The following RNF125 variants were observed in gnomAD, a reference collection of about 807,000 sequenced individuals.
The protein encoded by RNF125 is E3 ubiquitin-protein ligase RNF125.
A neutral mutation model predicts 26.0 loss-of-function variants in RNF125; 21 were observed. That is an observed-to-expected ratio of 0.81 (90% CI 0.57 to 1.16). RNF125 has a LOEUF of 1.16. Among genes scored for constraint, RNF125 ranks in the 50% most tolerant of loss-of-function variants. The pLI is 0.00. For synonymous variants in RNF125, 95 were observed against 109.2 expected, an observed-to-expected ratio of 0.87 and a Z score of 0.81; for missense variants, 270 against 299.4, an observed-to-expected ratio of 0.90 and a Z score of 0.72.
intron 4 of RNF125, among the ~76,000 whole-genome samples, chr18:32,057,422 C>T (rs962358293): frequency 1.1e-4 from 17 of 151,632 alleles, no homozygotes; most frequent in Admixed American, 3.9e-4. Flanking sequence ...GCAACCTCTG[C>T]CTCCCGGGTT....
chr18:32,086,290 C>T, the RNF125 span, among the ~76,000 whole-genome samples: 2 of 150,440 alleles, frequency 1.3e-5, no homozygotes, highest in African/African-American at 4.9e-5. Flanking sequence ...CTCAAGCAAT[C>T]CTCCTGCCTC....
intron 1 of RNF125, 37 bp downstream of exon 1, chr18:32,019,064 AAGG>A: frequency 1.2e-6 from 2 of 1,600,328 alleles, no homozygotes; most frequent in Non-Finnish European, 1.7e-6. Context: ...GCCCACCCCT[AAGG>A]AGGGCGATGT....
chr18:32,084,846 T>G, the RNF125 span, among the ~76,000 whole-genome samples: 1 of 152,206 alleles, frequency 6.6e-6, no homozygotes, highest in Non-Finnish European at 1.5e-5. Flanking sequence ...ATGGATGATA[T>G]GAAATTAAAT....
At chr18:32,043,296 C>G (rs1368166527) in intron 3 of RNF125, among the ~76,000 whole-genome samples, 2 of 152,194 alleles carry the variant, frequency 1.3e-5, no homozygotes, top group African/African-American at 4.8e-5. Context: ...GGCTTTCCAG[C>G]CATTAATCTG....
intron 5 of RNF125, among the ~76,000 whole-genome samples, chr18:32,068,006 G>A (rs966945183): frequency 2.0e-5 from 3 of 152,274 alleles, no homozygotes; most frequent in Middle Eastern, 3.4e-3. Context: ...CTCTGACCAG[G>A]ATTTGTAATG....
chr18:32,050,058 A>G (rs574678367), intron 4 of RNF125, among the ~76,000 whole-genome samples: 1 of 152,282 alleles, frequency 6.6e-6, no homozygotes, highest in East Asian at 1.9e-4. Context: ...CAAGCAGATA[A>G]GATCAGTGAC....
intron 4 of RNF125, among the ~76,000 whole-genome samples, chr18:32,054,848 T>G (rs1429157562): frequency 1.3e-5 from 2 of 152,214 alleles, no homozygotes; most frequent in Non-Finnish European, 2.9e-5. Context: ...AAATATGATT[T>G]GTTCTTGCCC....
intron 4 of RNF125, among the ~76,000 whole-genome samples, chr18:32,059,648 T>G (rs1303598162): frequency 6.6e-6 from 1 of 152,198 alleles, no homozygotes; most frequent in African/African-American, 2.4e-5. Context: ...CATTTTCGCT[T>G]TGGTTGCCTG....
chr18:32,037,457 C>T lies in RNF125; in HGVS notation c.318+188C>T, dbSNP rs549348762. 1.1e-4 allele frequency among the ~76,000 whole-genome samples: 17 copies of T among 149,188 alleles called. No homozygotes were observed. In the South Asian group the frequency reaches 1.7e-3, roughly 15 times the overall value. ...TGCGATCTCGGCTTACTGCAACCTCCGCCTCCCAGGTTCAAGTGATTCTCC... is the reference window on the plus strand; with the variant it reads ...TGCGATCTCGGCTTACTGCAACCTCTGCCTCCCAGGTTCAAGTGATTCTCC... On this transcript the variant is annotated intron_variant, in intron 2 of 5. Transcript: ENST00000217740.
intron 4 of RNF125, among the ~76,000 whole-genome samples, chr18:32,063,172 A>T (rs2091116424): frequency 6.7e-6 from 1 of 148,754 alleles, no homozygotes; most frequent in Non-Finnish European, 1.5e-5. Flanking sequence ...GTGAGCCAAG[A>T]CCATGCCATT....
chr18:32,077,913 T>C (rs2039581048), downstream of RNF125, among the ~76,000 whole-genome samples: 3 of 151,896 alleles, frequency 2.0e-5, no homozygotes, highest in South Asian at 2.1e-4. Context: ...CTCAGCCTCC[T>C]GAGTAGCTGG....
intron 1 of RNF125, among the ~76,000 whole-genome samples, chr18:32,035,038 G>C (rs578136599): frequency 6.6e-6 from 1 of 152,232 alleles, no homozygotes; most frequent in East Asian, 1.9e-4. Context: ...TTATGTCACT[G>C]TGTGCAGTGT....
intron 4 of RNF125, among the ~76,000 whole-genome samples, chr18:32,056,820 A>G (rs1440300971): frequency 4.6e-5 from 7 of 152,206 alleles, no homozygotes; most frequent in Non-Finnish European, 1.0e-4. Flanking sequence ...TATGCCAACA[A>G]TGATTTTTTT....
rs1250057956 is a variant in RNF125, at chr18:32,024,189, ATTC to A, written c.164+5165_164+5167del. ...TAACAAAAAAATCACACTTCATGCCATTCTTTTTTTTTTTTTTTTCTTTTTTTT... is the reference window on the plus strand; with the variant it reads ...TAACAAAAAAATCACACTTCATGCCATTTTTTTTTTTTTTTTCTTTTTTTT... On this transcript the variant is annotated intron_variant, in intron 1 of 5. Transcript: ENST00000217740. Among the ~76,000 whole-genome samples, 3 of 132,788 alleles carry A rather than the reference ATTC, an allele frequency of 2.3e-5. No individual in the cohort carries two copies. In the East Asian group the frequency reaches 6.7e-4, roughly 30 times the overall value. 87.1% of individuals were successfully genotyped at this position (132,788 alleles called of 152,430 possible).
At chr18:32,079,877 ATATT>A in the RNF125 span, among the ~76,000 whole-genome samples, 1 of 152,234 alleles carries the variant, frequency 6.6e-6, no homozygotes, top group Non-Finnish European at 1.5e-5. Flanking sequence ...ACAACTGTAT[ATATT>A]ATAGTTGCTG....
intron 4 of RNF125, among the ~76,000 whole-genome samples, chr18:32,047,558 C>T (rs2039284170): frequency 1.3e-5 from 2 of 152,098 alleles, no homozygotes; most frequent in African/African-American, 4.8e-5. Context: ...CCACTTTTAC[C>T]TTAATCTGAC....
Position 32,045,750 on chromosome 18 carries a change from A to C in RNF125, c.504+18A>C. The C allele has an allele frequency of 6.6e-7, 1 of 1,521,180 alleles. No homozygotes were observed. The highest frequency in any genetic ancestry group is 9.1e-7 in the Non-Finnish European group (1 of 1,097,694). The allele number at this position is 1,521,180 out of a possible 1,614,324, so 94.2% of individuals were successfully genotyped here. On this transcript the variant is annotated intron_variant, in intron 4 of 5. Transcript: ENST00000217740. ...GGCCTGTGGTAAGGATTTTTGTTACATGTATTACAGCAATGTCTGAATTCA... is the reference window on the plus strand; with the variant it reads ...GGCCTGTGGTAAGGATTTTTGTTACCTGTATTACAGCAATGTCTGAATTCA...
At chr18:32,029,462 G>GAAA (rs61164382) in intron 1 of RNF125, among the ~76,000 whole-genome samples, 2 of 112,414 alleles carry the variant, frequency 1.8e-5, no homozygotes, top group Non-Finnish European at 3.9e-5. Flanking sequence ...CGTCTGTACA[G>GAAA]AAAAAAAAAA....
chr18:32,061,541 T>A (rs1270894551), intron 4 of RNF125, among the ~76,000 whole-genome samples: 2 of 152,186 alleles, frequency 1.3e-5, no homozygotes, highest in Non-Finnish European at 2.9e-5. Flanking sequence ...CTACCTTCAG[T>A]TACACTGAGG....
Sources: gnomAD v4.1 joint callset for allele counts (sites outside exome capture counted in the v4.1 genomes callset) on GRCh38, gnomAD v4.1.1 for gene constraint, MANE v1.5 for transcripts, NCBI Gene and HGNC (gene_info 2026-07-23, HGNC 2026-07-21) for gene names.